Variants in NXPE2 observed in about 807,000 individuals in gnomAD.
NXPE2 encodes the protein neurexophilin and PC-esterase domain family member 2.
NXPE2 carries 34 observed loss-of-function variants against 34.4 expected under a neutral mutation model. That is an observed-to-expected ratio of 0.99 (90% CI 0.75 to 1.31). The LOEUF is 1.31. NXPE2 is among the 40% of genes most tolerant of loss of function. The pLI, the probability that NXPE2 is intolerant of heterozygous loss-of-function variation, is 0.00. For synonymous variants in NXPE2, 235 were observed against 231.3 expected, an observed-to-expected ratio of 1.02 and a Z score of -0.15; for missense variants, 649 against 672.5, an observed-to-expected ratio of 0.97 and a Z score of 0.39.
the NXPE2 span, among the ~76,000 whole-genome samples, chr11:114,617,403 C>T: frequency 5.9e-5 from 9 of 152,092 alleles, no homozygotes; most frequent in South Asian, 1.2e-3. Context: ...AGTATTGCCT[C>T]GTGGGTAACC....
the NXPE2 span, among the ~76,000 whole-genome samples, chr11:114,545,246 A>G: frequency 6.6e-6 from 1 of 152,226 alleles, no homozygotes; most frequent in Non-Finnish European, 1.5e-5. Context: ...GCTTATGTCC[A>G]CACAAATACC....
chr11:114,661,412 G>T, the NXPE2 span, among the ~76,000 whole-genome samples: 2 of 152,254 alleles, frequency 1.3e-5, no homozygotes, highest in Non-Finnish European at 1.5e-5. Flanking sequence ...ACTCAGATAG[G>T]CAACAAAGGT....
At chr11:114,531,023 T>G in the NXPE2 span, 3 of 1,112,724 alleles carry the variant, frequency 2.7e-6, no homozygotes, top group South Asian at 2.4e-5. Flanking sequence ...ATTCAATTTG[T>G]TACCAAATTG....
the NXPE2 span, among the ~76,000 whole-genome samples, chr11:114,637,556 T>C: frequency 2.0e-5 from 3 of 150,940 alleles, no homozygotes; most frequent in Admixed American, 6.6e-5. Context: ...TTCTTCCTAG[T>C]CTCAATGGTC....
chr11:114,698,023 C>A, intron 2 of NXPE2, 22 bp from the exon 3 acceptor site: 2 of 1,448,768 alleles, frequency 1.4e-6, no homozygotes, highest in Non-Finnish European at 1.8e-6. Flanking sequence ...ATGATATTTT[C>A]TTTTCCCTTT....
the NXPE2 span, among the ~76,000 whole-genome samples, chr11:114,730,939 G>A: frequency 6.6e-6 from 1 of 152,272 alleles, no homozygotes; most frequent in South Asian, 2.1e-4. Flanking sequence ...GTTGATAGGA[G>A]TGGTGAGAGT....
the NXPE2 span, among the ~76,000 whole-genome samples, chr11:114,789,739 C>T: frequency 6.6e-6 from 1 of 152,196 alleles, no homozygotes; most frequent in Non-Finnish European, 1.5e-5. Context: ...TTGGTAAAGC[C>T]AGGCATCCCT....
At chr11:114,651,515 C>T in the NXPE2 span, among the ~76,000 whole-genome samples, 2 of 152,328 alleles carry the variant, frequency 1.3e-5, no homozygotes, top group Admixed American at 6.5e-5. Flanking sequence ...AAACCTGCCA[C>T]AGCATGGAAG....
the NXPE2 span, among the ~76,000 whole-genome samples, chr11:114,490,185 C>T: frequency 1.1e-4 from 17 of 152,146 alleles, no homozygotes; most frequent in Admixed American, 1.1e-3. Flanking sequence ...AACTACAAAC[C>T]ACTGCTCAAT....
At chr11:114,561,880 T>A in the NXPE2 span, among the ~76,000 whole-genome samples, 1 of 152,232 alleles carries the variant, frequency 6.6e-6, no homozygotes, top group South Asian at 2.1e-4. Flanking sequence ...TCTGCAAGAA[T>A]TCTTGAGTTA....
At chr11:114,487,301 T>A in the NXPE2 span, among the ~76,000 whole-genome samples, 1 of 152,202 alleles carries the variant, frequency 6.6e-6, no homozygotes, top group East Asian at 1.9e-4. Context: ...GATTGTTTAC[T>A]ATTGGTATAC....
At chr11:114,726,004 GAAA>G in the NXPE2 span, among the ~76,000 whole-genome samples, 1 of 96,648 alleles carries the variant, frequency 1.0e-5, no homozygotes, top group African/African-American at 3.7e-5. Flanking sequence ...AAAAGAAAAA[GAAA>G]ACCATAATAG....
the NXPE2 span, chr11:114,512,991 T>A: frequency 2.8e-6 from 1 of 361,130 alleles, no homozygotes; most frequent in Non-Finnish European, 5.6e-6. Flanking sequence ...AGAGAGTCAA[T>A]GCTCCTTCAC....
chr11:114,495,140 GT>G, the NXPE2 span, among the ~76,000 whole-genome samples: 2 of 152,178 alleles, frequency 1.3e-5, no homozygotes, highest in Non-Finnish European at 2.9e-5. Flanking sequence ...GCCACCACCA[GT>G]GGGACGGTGC....
chr11:114,683,239 C>T (rs1445535472), intron 2 of NXPE2, among the ~76,000 whole-genome samples: 1 of 151,992 alleles, frequency 6.6e-6, no homozygotes, highest in African/African-American at 2.4e-5. Context: ...TCTGAACATC[C>T]CTTTTCCTTT....
At chr11:114,759,094 G>GCA in the NXPE2 span, among the ~76,000 whole-genome samples, 7 of 151,032 alleles carry the variant, frequency 4.6e-5, no homozygotes, top group South Asian at 1.3e-3. Context: ...GTACACATGC[G>GCA]CACACACACA....
At chr11:114,678,485 A>T, upstream of NXPE2, 2 of 1,011,856 alleles carry the variant, frequency 2.0e-6, no homozygotes, top group East Asian at 5.2e-5. Flanking sequence ...AATGAAGCTC[A>T]TAGGGAAACT....
At chr11:114,486,614 T>C in the NXPE2 span, among the ~76,000 whole-genome samples, 1 of 152,290 alleles carries the variant, frequency 6.6e-6, no homozygotes, top group Middle Eastern at 3.4e-3. Context: ...TTTCTTCTAG[T>C]AGTTTCATAG....
chr11:114,550,870 G>C, the NXPE2 span, among the ~76,000 whole-genome samples: 4 of 152,174 alleles, frequency 2.6e-5, no homozygotes, highest in Admixed American at 2.6e-4. Flanking sequence ...CATTTTGGGA[G>C]CGTGTGCAAG....
Sources: gnomAD v4.1 joint callset for allele counts (sites outside exome capture counted in the v4.1 genomes callset) on GRCh38, gnomAD v4.1.1 for gene constraint, MANE v1.5 for transcripts, NCBI Gene and HGNC (gene_info 2026-07-23, HGNC 2026-07-21) for gene names.